GTF2IRD1: variants seen among roughly 807,000 people sequenced by gnomAD.
GTF2IRD1 encodes GTF2I repeat domain containing 1, also known as general transcription factor II-I repeat domain-containing protein 1.
A neutral mutation model predicts 113.2 loss-of-function variants in GTF2IRD1; 26 were observed. That is an observed-to-expected ratio of 0.23 (90% CI 0.17 to 0.32). The LOEUF is 0.32. GTF2IRD1 is among the 10% of genes least tolerant of loss of function. The probability of loss-of-function intolerance (pLI) is 1.00; values close to 1 mark genes in which losing one functional copy is unlikely to be tolerated. For synonymous variants in GTF2IRD1, 484 were observed against 529.1 expected (o/e 0.91, Z 1.17); for missense variants, 864 against 1,280.8 (o/e 0.67, Z 4.97).
chr7:74,519,748 T>A, intron 6 of GTF2IRD1, 29 bp downstream of exon 6: 1 of 1,494,250 alleles, frequency 6.7e-7, no homozygotes. Context: ...TCTCCAAGTC[T>A]AGGGGGTGGG....
Position 74,538,189 on chromosome 7 carries a change from G to T in GTF2IRD1, c.1447+16G>T, listed in dbSNP as rs199672090. The T allele has an allele frequency of 2.5e-6, 4 of 1,612,042 alleles. No homozygotes were observed. The South Asian group carries it at 4.4e-5, about 18-fold the overall frequency. On this transcript the variant is annotated intron_variant, in intron 12 of 26. Coordinates refer to ENST00000424337, the MANE Select transcript of GTF2IRD1 (RefSeq NM_005685.4). ...TGTGGGCCAGGTGAGAAGGAACAGG[G>T]CCCGCTGTGTGTGTGGTGGGCCGGG...
intron 22 of GTF2IRD1, among the ~76,000 whole-genome samples, chr7:74,564,620 G>A (rs1174985530): frequency 6.6e-6 from 1 of 152,176 alleles, no homozygotes; most frequent in Non-Finnish European, 1.5e-5. Context: ...AGACATGGTG[G>A]GGACGAACGA....
At chr7:74,561,869 C>CTTACAGAGGGGGTCTTACAG (rs1350909334) in intron 22 of GTF2IRD1, among the ~76,000 whole-genome samples, 1 of 152,084 alleles carries the variant, frequency 6.6e-6, no homozygotes, top group Non-Finnish European at 1.5e-5. Flanking sequence ...CGCTAGAGCC[C>CTTACAGAGGGGGTCTTACAG]ACCTTACAGA....
At chr7:74,531,339 C>T (rs1797954097) in intron 9 of GTF2IRD1, among the ~76,000 whole-genome samples, 1 of 152,208 alleles carries the variant, frequency 6.6e-6, no homozygotes, top group South Asian at 2.1e-4. Context: ...CAACTGCACT[C>T]CAGCCTGGGT....
At position 74,524,169 on chromosome 7, in the gene GTF2IRD1, C is replaced by T. The variant is rs782267771; in HGVS notation, c.1090+15C>T. On this transcript the variant is annotated intron_variant, in intron 8 of 26. Transcript: ENST00000424337. Reference sequence around the variant, plus strand: ...CAGCAGATATGGTGAGTGGGCGGCGCGGCCCGCCGTGTGGCCCCAGCAGCC... The same window carrying T: ...CAGCAGATATGGTGAGTGGGCGGCGTGGCCCGCCGTGTGGCCCCAGCAGCC... The T allele has an allele frequency of 7.6e-6, 12 of 1,580,492 alleles. No individual in the cohort carries two copies. The Admixed American group carries it at 8.5e-5, about 11-fold the overall frequency.
In GTF2IRD1 at chr7:74,547,300, A is replaced by G. The variant is rs1554353599; in HGVS notation, c.1916+14A>G. ...TGTCATCAAGAGGTAAGGCCCAACC[A>G]GGTCCATGGGAGACAGCACCGGCCC... On this transcript the variant is annotated intron_variant, in intron 17 of 26. Transcript: ENST00000424337. The G allele has an allele frequency of 6.3e-7, 1 of 1,593,594 alleles. No homozygotes were observed. Among genetic ancestry groups the G allele is most frequent in the Non-Finnish European group, 8.5e-7 (1 of 1,171,878 alleles).
At chr7:74,522,209 A>G (rs1797338372) in intron 7 of GTF2IRD1, among the ~76,000 whole-genome samples, 1 of 152,006 alleles carries the variant, frequency 6.6e-6, no homozygotes, top group African/African-American at 2.4e-5. Flanking sequence ...GTGGGAGAGG[A>G]ATTAAACTCC....
rs1222950921 is a variant in GTF2IRD1 at position 74,559,108 on chromosome 7, G to A, written c.2291+64G>A. 2.0e-5 allele frequency: 29 copies of A among 1,438,298 alleles called. No individual in the cohort carries two copies. In the South Asian group the frequency reaches 2.4e-4, roughly 12 times the overall value. The allele number at this position is 1,438,298 out of a possible 1,614,324, so 89.1% of individuals were successfully genotyped here. On this transcript the variant is annotated intron_variant, in intron 21 of 26. Transcript: ENST00000424337. ...AGCTCAGATGGGAGCTTGCACCTGC[G>A]AATCCTTAGCCTTTCCCTAGGTCCT...
At position 74,555,067 on chromosome 7, in the gene GTF2IRD1, G is replaced by A. The variant is rs1458640653; in HGVS notation, c.1917-107G>A. On this transcript the variant is annotated intron_variant, in intron 17 of 26. Coordinates refer to ENST00000424337, the MANE Select transcript of GTF2IRD1 (RefSeq NM_005685.4). This position sits in a 1 kb window ranked among gnomAD's most constrained non-coding sequence, Gnocchi z 5.3. The stretch of plus-strand genomic sequence containing the variant: ...TCCAGGCCTGAACTATGCATAGCCA[G>A]AAGGGTCCATTGCAGGGCTGTGTAG... 2.0e-6 allele frequency: 2 copies of A among 991,664 alleles called. No homozygotes were observed. The highest frequency in any genetic ancestry group is 4.8e-5 in the East Asian group (2 of 41,394). 61.4% of individuals were successfully genotyped at this position (991,664 alleles called of 1,614,324 possible).
chr7:74,536,382 C>T, intron 11 of GTF2IRD1, 107 bp downstream of exon 11: 1 of 646,744 alleles, frequency 1.5e-6, no homozygotes, highest in East Asian at 2.7e-5. Flanking sequence ...ACACCACCAC[C>T]CCTCGAAGGT....
intron 1 of GTF2IRD1, among the ~76,000 whole-genome samples, chr7:74,470,682 T>G (rs1794027277): frequency 1.3e-5 from 2 of 152,184 alleles, no homozygotes; most frequent in Non-Finnish European, 2.9e-5. Context: ...CTGTGGAATA[T>G]TAGTTAGCAG....
At chr7:74,504,479 G>A (rs1162203753) in intron 1 of GTF2IRD1, among the ~76,000 whole-genome samples, 1 of 152,154 alleles carries the variant, frequency 6.6e-6, no homozygotes, top group Non-Finnish European at 1.5e-5. Context: ...TCAGCTCTGC[G>A]TGTGAGCAGC....
intron 1 of GTF2IRD1, among the ~76,000 whole-genome samples, chr7:74,469,071 C>T (rs1468108285): frequency 3.1e-5 from 4 of 130,944 alleles, no homozygotes; most frequent in African/African-American, 1.2e-4. Context: ...GACGACAGAG[C>T]GAGACTCCAT....
Position 74,558,949 on chromosome 7 carries a change from C to G in GTF2IRD1, c.2196C>G (p.Pro732=). The change falls in exon 21 of 27, where the codon CCC becomes CCG. Residue 732 remains proline, a synonymous_variant. Transcript: ENST00000424337. ...GCTCCGTGATCATCGAGGGGCTGCCCCCAGGAATCCCGTTCCGAAAGCCCT... is the reference window on the plus strand; with the variant it reads ...GCTCCGTGATCATCGAGGGGCTGCCGCCAGGAATCCCGTTCCGAAAGCCCT... The part of the protein sequence containing the change: ...NPGSVIIEGL[P]PGIPFRKPCT... The G allele has an allele frequency of 6.2e-7, 1 of 1,614,118 alleles. No individual in the cohort carries two copies. The highest frequency in any genetic ancestry group is 1.1e-5 in the South Asian group (1 of 91,078).
intron 20 of GTF2IRD1, among the ~76,000 whole-genome samples, chr7:74,558,502 C>A (rs1159565877): frequency 6.6e-6 from 1 of 151,490 alleles, no homozygotes. Flanking sequence ...TGGAACTACA[C>A]CCCACTGGGC....
intron 22 of GTF2IRD1, chr7:74,572,682 C>T (rs1800764697): frequency 4.1e-6 from 1 of 242,340 alleles, no homozygotes; most frequent in Non-Finnish European, 6.6e-6. Flanking sequence ...CTTCCCCACC[C>T]CCTCTCTACC....
At chr7:74,549,787 G>C (rs1460444984) in intron 17 of GTF2IRD1, among the ~76,000 whole-genome samples, 1 of 152,088 alleles carries the variant, frequency 6.6e-6, no homozygotes, top group Non-Finnish European at 1.5e-5. Context: ...TGTAATCCCA[G>C]CACTTTGAAA....
chr7:74,523,430 C>T (rs915061494), intron 7 of GTF2IRD1, among the ~76,000 whole-genome samples: 1 of 152,016 alleles, frequency 6.6e-6, no homozygotes, highest in Non-Finnish European at 1.5e-5. Flanking sequence ...ATAAAATACT[C>T]GACCTCAGGC....
chr7:74,517,396 C>A (rs139482304), intron 4 of GTF2IRD1, among the ~76,000 whole-genome samples: 14 of 150,388 alleles, frequency 9.3e-5, no homozygotes, highest in Middle Eastern at 3.4e-3. Context: ...TTCTCTCCCC[C>A]CTCTCGGTCT....
Sources: gnomAD v4.1 joint callset for allele counts (sites outside exome capture counted in the v4.1 genomes callset) on GRCh38, gnomAD v4.1.1 for gene constraint, Gnocchi (gnomAD v3.1) non-coding constraint, MANE v1.5 for transcripts, NCBI Gene and HGNC (gene_info 2026-07-23, HGNC 2026-07-21) for gene names.